The following SGCZ variants were observed in gnomAD, a reference collection of about 807,000 sequenced individuals.
SGCZ encodes the protein zeta-sarcoglycan.
In SGCZ, 40 loss-of-function variants were observed where a neutral mutation model predicts 41.3. The ratio of observed to expected loss-of-function variants is 0.97; its 90% CI spans 0.75 to 1.26. SGCZ has a LOEUF of 1.26. Ranked by LOEUF, SGCZ falls within the 50% of genes most tolerant of loss-of-function variation. The pLI is 0.00. For synonymous variants in SGCZ, 206 were observed against 137.5 expected (o/e 1.50, Z -3.49); for missense variants, 552 against 369.8 (o/e 1.49, Z -4.04).
At chr8:15,102,165 C>G (rs1268858355) in intron 1 of SGCZ, among the ~76,000 whole-genome samples, 1 of 152,144 alleles carries the variant, frequency 6.6e-6, no homozygotes, top group East Asian at 1.9e-4. Flanking sequence ...ACCAAGGTGT[C>G]CTTCAGTAGG....
At chr8:14,103,005 G>A (rs2116985622) in intron 6 of SGCZ, among the ~76,000 whole-genome samples, 1 of 152,214 alleles carries the variant, frequency 6.6e-6, no homozygotes, top group Middle Eastern at 3.4e-3. Flanking sequence ...TCAGGCATGT[G>A]CAAAATATTA....
intron 6 of SGCZ, among the ~76,000 whole-genome samples, chr8:14,103,106 G>C (rs1408080493): frequency 6.6e-6 from 1 of 152,162 alleles, no homozygotes; most frequent in East Asian, 1.9e-4. Flanking sequence ...AATGTCCACA[G>C]AATGAGTGAC....
intron 3 of SGCZ, among the ~76,000 whole-genome samples, chr8:14,277,369 C>G (rs1397808924): frequency 6.6e-6 from 1 of 152,092 alleles, no homozygotes. Context: ...ATCTGGTGAA[C>G]TTCAAATGCC....
intron 1 of SGCZ, among the ~76,000 whole-genome samples, chr8:15,148,572 G>T (rs149638802): frequency 6.6e-6 from 1 of 152,158 alleles, no homozygotes; most frequent in African/African-American, 2.4e-5. Flanking sequence ...CCTCTGTCTA[G>T]TTACCATCAA....
At chr8:14,881,909 A>G (rs150101491) in intron 1 of SGCZ, among the ~76,000 whole-genome samples, 7,558 of 152,314 alleles carry the variant, frequency 0.05, 223 homozygotes, top group Non-Finnish European at 0.061. Flanking sequence ...ATTAGAACTC[A>G]GGATTAAGAA....
At chr8:15,233,364 G>T (rs1292495925) in intron 1 of SGCZ, among the ~76,000 whole-genome samples, 1 of 146,914 alleles carries the variant, frequency 6.8e-6, no homozygotes, top group African/African-American at 2.5e-5. Context: ...GAAAAAAATA[G>T]AATTCTTTTA....
In SGCZ at chr8:14,568,249, A is replaced by T. The variant is rs7832223; in HGVS notation, c.40-13323T>A. Among the ~76,000 whole-genome samples, 6 of 151,858 alleles carry T rather than the reference A, an allele frequency of 4.0e-5. No individual in the cohort carries two copies. In the South Asian group the frequency reaches 1.3e-3, roughly 32 times the overall value. ...GGCCTGTCCGGGGGTGGGGAGAAAGAGGAGGGAGAGCATCAGGACAATACC... is the reference window on the plus strand; with the variant it reads ...GGCCTGTCCGGGGGTGGGGAGAAAGTGGAGGGAGAGCATCAGGACAATACC... On this transcript the variant is annotated intron_variant, in intron 1 of 7. Transcript: ENST00000382080.
chr8:14,496,271 G>A (rs72607311), intron 2 of SGCZ, among the ~76,000 whole-genome samples: 70,470 of 151,708 alleles, frequency 0.46, 17,074 homozygotes, highest in East Asian at 0.66. Flanking sequence ...AATCCACTAC[G>A]TTGCCCAGGT....
chr8:14,901,621 A>T (rs375485252), intron 1 of SGCZ, among the ~76,000 whole-genome samples: 52 of 152,074 alleles, frequency 3.4e-4, no homozygotes, highest in Middle Eastern at 3.4e-3. Context: ...CGGGTGAAAA[A>T]ATCCTTGGTC....
intron 1 of SGCZ, among the ~76,000 whole-genome samples, chr8:14,846,226 T>C (rs1168689798): frequency 1.3e-5 from 2 of 152,224 alleles, no homozygotes; most frequent in African/African-American, 2.4e-5. Context: ...TAAATATCTA[T>C]GTTGGAAAGG....
chr8:14,253,222 T>C (rs1332699453), intron 3 of SGCZ, among the ~76,000 whole-genome samples: 1 of 138,980 alleles, frequency 7.2e-6, no homozygotes, highest in African/African-American at 2.8e-5. Flanking sequence ...AATATGCTTC[T>C]AAAAAATAAG....
chr8:14,838,255 A>G (rs1015222808), intron 1 of SGCZ, among the ~76,000 whole-genome samples: 8 of 152,116 alleles, frequency 5.3e-5, no homozygotes, highest in Non-Finnish European at 1.0e-4. Context: ...CAGTAGTAGC[A>G]CAATAGGATG....
intron 2 of SGCZ, among the ~76,000 whole-genome samples, chr8:14,391,523 C>A (rs970486422): frequency 8.6e-5 from 13 of 151,978 alleles, no homozygotes; most frequent in African/African-American, 3.1e-4. Flanking sequence ...GCAGGGAGTA[C>A]TATGTTCAGG....
intron 2 of SGCZ, among the ~76,000 whole-genome samples, chr8:14,430,184 A>G (rs915713582): frequency 6.6e-6 from 1 of 152,154 alleles, no homozygotes; most frequent in Non-Finnish European, 1.5e-5. Context: ...AATCCTCCCT[A>G]CATCATTCTA....
chr8:15,169,215 C>T (rs943895531), intron 1 of SGCZ, among the ~76,000 whole-genome samples: 1 of 152,160 alleles, frequency 6.6e-6, no homozygotes, highest in Non-Finnish European at 1.5e-5. Flanking sequence ...GGTCTTCGCC[C>T]TTATCCCTAA....
intron 4 of SGCZ, among the ~76,000 whole-genome samples, chr8:14,224,310 G>C (rs1485279587): frequency 1.3e-5 from 2 of 151,316 alleles, no homozygotes; most frequent in African/African-American, 2.4e-5. Context: ...AGAACCAATA[G>C]TGACATTGCA....
rs1804614582 is a variant in SGCZ, at chr8:14,387,447, A to C, written c.235-63243T>G. Among the ~76,000 whole-genome samples the C allele has an allele frequency of 3.9e-5, 6 of 152,336 alleles. No individual in the cohort carries two copies. In the South Asian group the frequency reaches 1.2e-3, roughly 32 times the overall value. Reference sequence around the variant, plus strand: ...TTGTCAAAAACCTTTACTTGTCAAAAATATTACTATATTCAGAATCAGTTT... The same window carrying C: ...TTGTCAAAAACCTTTACTTGTCAAACATATTACTATATTCAGAATCAGTTT... On this transcript the variant is annotated intron_variant, in intron 2 of 7. Coordinates refer to ENST00000382080, the MANE Select transcript of SGCZ (RefSeq NM_139167.4).
intron 1 of SGCZ, among the ~76,000 whole-genome samples, chr8:15,010,569 C>T (rs922042620): frequency 6.6e-6 from 1 of 152,112 alleles, no homozygotes; most frequent in Non-Finnish European, 1.5e-5. Context: ...AAGCATGTGT[C>T]CCTAATCATG....
intron 2 of SGCZ, among the ~76,000 whole-genome samples, chr8:14,483,245 A>G (rs1801583221): frequency 6.6e-6 from 1 of 152,208 alleles, no homozygotes; most frequent in Admixed American, 6.5e-5. Flanking sequence ...AGTACGCGTG[A>G]CAATCATTGG....
Sources: allele counts gnomAD v4.1 joint callset (sites outside exome capture counted in the v4.1 genomes callset), GRCh38; gene constraint gnomAD v4.1.1; transcripts MANE v1.5; gene names NCBI Gene and HGNC (gene_info 2026-07-23, HGNC 2026-07-21).